The following LMNTD1 variants were observed in gnomAD, a reference collection of about 807,000 sequenced individuals.
LMNTD1 encodes the protein lamin tail domain-containing protein 1.
A neutral mutation model predicts 50.9 loss-of-function variants in LMNTD1; 35 were observed. The observed-to-expected ratio is 0.69, with a 90% confidence interval of 0.53 to 0.91. The LOEUF is 0.91. LMNTD1 is among the 40% of genes least tolerant of loss of function. The probability of loss-of-function intolerance (pLI) is 0.00; values close to 1 mark genes in which losing one functional copy is unlikely to be tolerated. For missense variants in LMNTD1, 470 were observed against 475.5 expected, an observed-to-expected ratio of 0.99 and a Z score of 0.11; for synonymous variants, 153 against 161.9, an observed-to-expected ratio of 0.94 and a Z score of 0.42.
chr12:25,602,326 AC>A, intron 1 of LMNTD1, among the ~76,000 whole-genome samples: 1 of 151,924 alleles, frequency 6.6e-6, no homozygotes, highest in Non-Finnish European at 1.5e-5. Flanking sequence ...AAGAAAAAAA[AC>A]CTCAACCTTC....
At chr12:25,498,529 T>C (rs550145247) in intron 9 of LMNTD1, among the ~76,000 whole-genome samples, 57 of 152,330 alleles carry the variant, frequency 3.7e-4, no homozygotes, top group African/African-American at 1.2e-3. Context: ...CTGACACATA[T>C]GCTTTTGGAA....
intron 9 of LMNTD1, among the ~76,000 whole-genome samples, chr12:25,481,864 T>TTC (rs1191927268): frequency 1.6e-4 from 13 of 82,444 alleles, no homozygotes; most frequent in Non-Finnish European, 1.5e-4. Context: ...ATATTGCCTC[T>TTC]TCACACACAC....
intron 9 of LMNTD1, among the ~76,000 whole-genome samples, chr12:25,478,944 C>A (rs1938357375): frequency 6.6e-6 from 1 of 151,974 alleles, no homozygotes; most frequent in African/African-American, 2.4e-5. Flanking sequence ...ATTTGTAGTC[C>A]TACCTGGATT....
chr12:25,600,911 A>G (rs1945953259), intron 1 of LMNTD1, among the ~76,000 whole-genome samples: 1 of 151,932 alleles, frequency 6.6e-6, no homozygotes, highest in African/African-American at 2.4e-5. Context: ...GAAAACAAAA[A>G]TAGACCTACC....
rs778028189 is a variant in LMNTD1, at chr12:25,526,835, A to T, written c.612T>A (p.Asn204Lys). Residue 204 changes from asparagine (N) to lysine (K), a missense_variant, in exon 5 of 10, where the codon AAT becomes AAA. Physicochemically the swap from Asn to Lys is moderately conservative, Grantham distance 94. Transcript: ENST00000458174. The stretch of plus-strand genomic sequence containing the variant: ...ATCGGTACAAAGAAATGGTTTGTCC[A>T]TTCACATTTTGCTGGAGAATATGAT... ...IGDHILQQNVNGQTISLYRFL... is the reference protein window; with the variant it reads ...IGDHILQQNVKGQTISLYRFL... 3.1e-6 allele frequency: 5 copies of T among 1,613,208 alleles called. No individual in the cohort carries two copies. In the East Asian group the frequency reaches 6.7e-5, roughly 22 times the overall value.
At chr12:25,488,654 A>T (rs2135915505) in intron 9 of LMNTD1, among the ~76,000 whole-genome samples, 1 of 152,006 alleles carries the variant, frequency 6.6e-6, no homozygotes, top group South Asian at 2.1e-4. Flanking sequence ...TTCTCCATCC[A>T]GCTTTGTTCC....
At chr12:25,609,501 T>C (rs61924661) in intron 1 of LMNTD1, among the ~76,000 whole-genome samples, 17,753 of 152,146 alleles carry the variant, frequency 0.12, 1,377 homozygotes, top group South Asian at 0.25. Context: ...ACAGATGAGG[T>C]TTTGGTGTGG....
At chr12:25,500,865 T>C (rs1939346123) in intron 9 of LMNTD1, among the ~76,000 whole-genome samples, 1 of 152,222 alleles carries the variant, frequency 6.6e-6, no homozygotes, top group Non-Finnish European at 1.5e-5. Context: ...TGTAAGGTAC[T>C]GAGTAAGGAG....
upstream of LMNTD1, chr12:25,553,367 C>G: frequency 1.4e-6 from 1 of 728,556 alleles, no homozygotes; most frequent in Non-Finnish European, 2.0e-6. Context: ...CTGAACAATT[C>G]CTATGTTGAT....
chr12:25,614,421 G>C (rs1237850613), intron 1 of LMNTD1, among the ~76,000 whole-genome samples: 1 of 152,052 alleles, frequency 6.6e-6, no homozygotes, highest in Non-Finnish European at 1.5e-5. Flanking sequence ...CTGACCTCCA[G>C]CTCAGCACAT....
chr12:25,598,901 A>G (rs1276528255), intron 1 of LMNTD1, among the ~76,000 whole-genome samples: 4 of 152,060 alleles, frequency 2.6e-5, no homozygotes, highest in Admixed American at 6.6e-5. Context: ...CAATGGCTTC[A>G]TTGACGAATT....
At chr12:25,503,867 C>T (rs1366930222) in intron 8 of LMNTD1, 67 bp from the exon 9 acceptor site, 2 of 790,114 alleles carry the variant, frequency 2.5e-6, no homozygotes, top group Non-Finnish European at 4.1e-6. Flanking sequence ...GAGTTCAGTC[C>T]AGTATTCCAA....
intron 1 of LMNTD1, among the ~76,000 whole-genome samples, chr12:25,565,010 C>A (rs1357642191): frequency 6.6e-6 from 1 of 152,144 alleles, no homozygotes; most frequent in African/African-American, 2.4e-5. Context: ...TAGATTTTCT[C>A]TTGAAATCTA....
intron 1 of LMNTD1, among the ~76,000 whole-genome samples, chr12:25,621,065 T>C (rs1219953835): frequency 6.6e-6 from 1 of 152,210 alleles, no homozygotes; most frequent in East Asian, 1.9e-4. Context: ...GCTGTCTTCA[T>C]CTCTATTCAT....
At chr12:25,506,593 G>A (rs969579868) in intron 8 of LMNTD1, among the ~76,000 whole-genome samples, 1 of 151,740 alleles carries the variant, frequency 6.6e-6, no homozygotes, top group Admixed American at 6.6e-5. Flanking sequence ...CTAGGTGTAG[G>A]ATGAATAATG....
intron 1 of LMNTD1, among the ~76,000 whole-genome samples, chr12:25,626,065 G>T (rs1297509608): frequency 6.6e-6 from 1 of 152,128 alleles, no homozygotes; most frequent in East Asian, 1.9e-4. Context: ...GTAGCATGGG[G>T]CTGTACTTTT....
chr12:25,589,840 A>G (rs1945643480), intron 1 of LMNTD1, among the ~76,000 whole-genome samples: 1 of 107,978 alleles, frequency 9.3e-6, no homozygotes, highest in African/African-American at 3.6e-5. Flanking sequence ...TCTTAGAACC[A>G]GTTACTCTGT....
intron 1 of LMNTD1, among the ~76,000 whole-genome samples, chr12:25,599,216 C>A (rs572471339): frequency 2.2e-4 from 33 of 151,722 alleles, no homozygotes; most frequent in Non-Finnish European, 4.4e-4. Context: ...AAAAAATGAT[C>A]ATTTCAATGA....
intron 1 of LMNTD1, among the ~76,000 whole-genome samples, chr12:25,633,914 TA>T (rs1241060308): frequency 3.9e-5 from 6 of 152,002 alleles, no homozygotes; most frequent in Non-Finnish European, 5.9e-5. Flanking sequence ...AAAAGATAAA[TA>T]AAATTGATAG....
Sources: allele counts gnomAD v4.1 joint callset (sites outside exome capture counted in the v4.1 genomes callset), GRCh38; gene constraint gnomAD v4.1.1; transcripts MANE v1.5; gene names NCBI Gene and HGNC (gene_info 2026-07-23, HGNC 2026-07-21).